Variants in ANO3 observed in about 807,000 individuals in gnomAD.
The protein encoded by ANO3 is anoctamin 3.
In ANO3, 99 loss-of-function variants were observed where a neutral mutation model predicts 144.8. The observed-to-expected ratio is 0.68, with a 90% CI of 0.58 to 0.81. The LOEUF is 0.81. ANO3 is among the 30% of genes least tolerant of loss of function. ANO3 has a pLI of 0.00. For synonymous variants in ANO3, 414 were observed against 392.6 expected, an observed-to-expected ratio of 1.05 and a Z score of -0.64; for missense variants, 905 against 1,202.2, an observed-to-expected ratio of 0.75 and a Z score of 3.66.
At chr11:26,505,950 G>T (rs1038380771) in intron 4 of ANO3, among the ~76,000 whole-genome samples, 3 of 134,090 alleles carry the variant, frequency 2.2e-5, no homozygotes, top group Non-Finnish European at 1.5e-5. Flanking sequence ...CCGAGACCGC[G>T]CCACTGCACT....
intron 1 of ANO3, among the ~76,000 whole-genome samples, chr11:26,337,159 G>A (rs560823651): frequency 2.6e-5 from 4 of 151,596 alleles, no homozygotes; most frequent in East Asian, 1.9e-4. Flanking sequence ...ATTTCAACCC[G>A]AAAAAAAACA....
At chr11:26,381,758 T>C (rs1350274525) in intron 1 of ANO3, among the ~76,000 whole-genome samples, 3 of 152,186 alleles carry the variant, frequency 2.0e-5, no homozygotes, top group Non-Finnish European at 4.4e-5. Context: ...CAACAATGTC[T>C]GGAGAATGAC....
Position 26,332,213 on chromosome 11 carries a change from C to CTACT in ANO3, c.-62_-59dup, listed in dbSNP as rs1170245779. ...GGACCTTGGAGCGTCTAGAGTCTGG[C>CTACT]TACTGTTCCTCCGCCTCCCTCTCGG... On this transcript the variant is annotated 5_prime_UTR_variant, in exon 1 of 27. Coordinates refer to ENST00000256737, the MANE Select transcript of ANO3 (RefSeq NM_031418.4). The CTACT allele has an allele frequency of 6.2e-7, 1 of 1,613,854 alleles. No homozygotes were observed. The highest frequency in any genetic ancestry group is 8.5e-7 in the Non-Finnish European group (1 of 1,179,926).
chr11:26,392,424 A>C (rs1240036681), intron 1 of ANO3, among the ~76,000 whole-genome samples: 1 of 152,098 alleles, frequency 6.6e-6, no homozygotes, highest in Non-Finnish European at 1.5e-5. Context: ...ACTCTGTGGT[A>C]TAAATTGTGG....
intron 18 of ANO3, among the ~76,000 whole-genome samples, chr11:26,633,631 C>G (rs1852854844): frequency 6.6e-6 from 1 of 152,188 alleles, no homozygotes; most frequent in Non-Finnish European, 1.5e-5. Context: ...TCCTGAAAAT[C>G]TTTATGTATT....
chr11:26,534,561 G>C lies in ANO3; in HGVS notation c.975G>C (p.Val325=), dbSNP rs1350727254. The change falls in exon 9 of 27, where the codon GTG becomes GTC. Residue 325 remains valine (V), a splice_region_variant and synonymous_variant. Transcript: ENST00000256737. ...RTKYENGISK[V]GIRKLINNGS... ...AATATGAAAATGGAATATCAAAAGT[G>C]GGTAAGAACATTAATTAATAACAGA... 1.2e-6 allele frequency: 2 copies of C among 1,600,446 alleles called. No homozygotes were observed. Among genetic ancestry groups the C allele is most frequent in the Non-Finnish European group, 1.7e-6 (2 of 1,168,682 alleles).
intron 1 of ANO3, among the ~76,000 whole-genome samples, chr11:26,324,006 A>G (rs1176794129): frequency 6.6e-6 from 1 of 152,198 alleles, no homozygotes; most frequent in East Asian, 1.9e-4. Flanking sequence ...TATTTGACCT[A>G]TCTGTTAAAG....
chr11:26,247,492 G>A (rs1852824032), intron 1 of ANO3, among the ~76,000 whole-genome samples: 1 of 152,178 alleles, frequency 6.6e-6, no homozygotes, highest in South Asian at 2.1e-4. Context: ...CAGTCACACA[G>A]TGACTATTAG....
intron 1 of ANO3, among the ~76,000 whole-genome samples, chr11:26,440,182 C>T (rs1039126229): frequency 6.6e-6 from 1 of 152,108 alleles, no homozygotes; most frequent in Non-Finnish European, 1.5e-5. Flanking sequence ...GAGTGATTCA[C>T]GATCAAGCAG....
intron 1 of ANO3, among the ~76,000 whole-genome samples, chr11:26,374,646 G>T (rs936213397): frequency 6.6e-6 from 1 of 152,184 alleles, no homozygotes; most frequent in Non-Finnish European, 1.5e-5. Flanking sequence ...AGAGTATAAG[G>T]CAGCTATCTC....
chr11:26,359,369 G>A (rs1201155904), intron 1 of ANO3, among the ~76,000 whole-genome samples: 1 of 152,104 alleles, frequency 6.6e-6, no homozygotes. Flanking sequence ...AATTGGAAAA[G>A]GCAGTATTCC....
At chr11:26,605,066 C>T (rs1851899421) in intron 17 of ANO3, among the ~76,000 whole-genome samples, 1 of 152,040 alleles carries the variant, frequency 6.6e-6, no homozygotes, top group South Asian at 2.1e-4. Flanking sequence ...ATAAGTAGCT[C>T]TTATTATTTT....
At chr11:26,573,850 T>C (rs967671543) in intron 14 of ANO3, among the ~76,000 whole-genome samples, 3 of 152,194 alleles carry the variant, frequency 2.0e-5, no homozygotes, top group Non-Finnish European at 4.4e-5. Context: ...TTATAAAATG[T>C]AAACTGTACG....
intron 4 of ANO3, among the ~76,000 whole-genome samples, chr11:26,482,470 G>GTA (rs1286091534): frequency 7.9e-6 from 1 of 127,244 alleles, no homozygotes; most frequent in African/African-American, 3.0e-5. Context: ...GTGTGTGTGT[G>GTA]TGTATCTTTA....
intron 1 of ANO3, among the ~76,000 whole-genome samples, chr11:26,236,748 G>A (rs1343226298): frequency 6.7e-6 from 1 of 148,842 alleles, no homozygotes; most frequent in Non-Finnish European, 1.5e-5. Flanking sequence ...AACCTGGGAG[G>A]CAGAGCTTGC....
chr11:26,516,976 T>C, intron 6 of ANO3, 49 bp downstream of exon 6: 2 of 1,172,376 alleles, frequency 1.7e-6, no homozygotes, highest in Admixed American at 1.9e-5. Flanking sequence ...TTAAAATGAG[T>C]CTATCTTTGC....
At position 26,602,588 on chromosome 11, in the gene ANO3, CT is replaced by C. The variant is rs113082487; in HGVS notation, c.1836+2888del. The stretch of plus-strand genomic sequence containing the variant: ...CAAAAGTTTTTTTTTCTTTTCTTTT[CT>C]TTTTTTTTTTTTTAAAGCCAAGTGT... On this transcript the variant is annotated intron_variant, in intron 17 of 26. Transcript: ENST00000256737. Among the ~76,000 whole-genome samples the C allele has an allele frequency of 6.4e-3, 892 of 138,854 alleles. 7 individuals are homozygous for C. The highest frequency in any genetic ancestry group is 0.022 in the African/African-American group (815 of 37,404). 91.1% of individuals were successfully genotyped at this position (138,854 alleles called of 152,430 possible). A position where few individuals can be genotyped will look rare whatever the true frequency, so the allele number is the denominator to read the frequency against.
chr11:26,210,987 C>T (rs186052871), intron 1 of ANO3, among the ~76,000 whole-genome samples: 2 of 152,184 alleles, frequency 1.3e-5, no homozygotes, highest in East Asian at 3.9e-4. Flanking sequence ...GACTTGAACT[C>T]AGCCCTGGAC....
intron 1 of ANO3, among the ~76,000 whole-genome samples, chr11:26,430,185 C>T (rs1005028394): frequency 1.3e-5 from 2 of 150,534 alleles, no homozygotes; most frequent in African/African-American, 4.9e-5. Context: ...CACCTGAACC[C>T]AGGAAGCAGA....
Sources: allele counts gnomAD v4.1 joint callset (sites outside exome capture counted in the v4.1 genomes callset), GRCh38; gene constraint gnomAD v4.1.1; transcripts MANE v1.5; gene names NCBI Gene and HGNC (gene_info 2026-07-23, HGNC 2026-07-21).